PCDHGA5: variants seen among roughly 807,000 people sequenced by gnomAD.
PCDHGA5 encodes protocadherin gamma-A5.
A neutral mutation model predicts 56.7 loss-of-function variants in PCDHGA5; 36 were observed. The observed-to-expected ratio is 0.64, with a 90% CI of 0.49 to 0.84. PCDHGA5 has a LOEUF of 0.84. Among genes scored for constraint, PCDHGA5 ranks in the 40% least tolerant of loss-of-function variants. PCDHGA5 has a pLI of 0.00. For missense variants in PCDHGA5, 1,305 were observed against 1,201.5 expected, an observed-to-expected ratio of 1.09 and a Z score of -1.27; for synonymous variants, 563 against 520.2, an observed-to-expected ratio of 1.08 and a Z score of -1.12.
chr5:141,404,585 A>G (rs541341061), intron 1 of PCDHGA5: 2 of 1,614,006 alleles, frequency 1.2e-6, no homozygotes, highest in East Asian at 2.2e-5. Context: ...ACTTAGCAGC[A>G]ATGTGTCATT....
intron 1 of PCDHGA5, chr5:141,419,261 G>A (rs758952830): frequency 1.3e-5 from 21 of 1,613,864 alleles, no homozygotes; most frequent in Non-Finnish European, 1.7e-5. Context: ...CAACCAGCCG[G>A]GTGCCTCCAT....
chr5:141,399,605 A>G, intron 1 of PCDHGA5: 1 of 1,613,968 alleles, frequency 6.2e-7, no homozygotes, highest in Non-Finnish European at 8.5e-7. Context: ...AGCGACCTAG[A>G]GCCTCTGGCA....
Position 141,388,677 on chromosome 5 carries a change from A to G in PCDHGA5, c.2421+21926A>G, listed in dbSNP as rs369048942. 2.1e-5 allele frequency: 34 copies of G among 1,613,854 alleles called. 1 individual carries two copies. Among genetic ancestry groups the G allele is most frequent in the African/African-American group, 2.7e-5 (2 of 74,914 alleles). ...CCCGGGGACCACGGTGCTACAGGTGACTGCCACGGACCAGGATGAGGGTGT... is the reference window on the plus strand; with the variant it reads ...CCCGGGGACCACGGTGCTACAGGTGGCTGCCACGGACCAGGATGAGGGTGT... On this transcript the variant is annotated intron_variant, in intron 1 of 3. Transcript: ENST00000518069.
At chr5:141,385,709 A>G (rs2090329249) in intron 1 of PCDHGA5, 1 of 259,144 alleles carries the variant, frequency 3.9e-6, no homozygotes, top group Non-Finnish European at 6.2e-6. Context: ...TAGCATTCAA[A>G]TATGTAAAAG....
rs67622091 is a variant in PCDHGA5 at position 141,388,335 on chromosome 5, C to T, written c.2421+21584C>T. ...AAGTGAGTCTGCACAGCCTGGCACA[C>T]GATTTATATTAGGATCTGCCCATGA... On this transcript the variant is annotated intron_variant, in intron 1 of 3. Transcript: ENST00000518069. 13 of 1,613,842 alleles carry T rather than the reference C, an allele frequency of 8.1e-6. No homozygotes were observed. In the East Asian group the frequency reaches 1.8e-4, roughly 22 times the overall value.
In PCDHGA5 at chr5:141,366,839, A is replaced by G. The variant is rs372026898; in HGVS notation, c.2421+88A>G. The G allele has an allele frequency of 1.6e-5, 24 of 1,499,090 alleles. No homozygotes were observed. In the African/African-American group the frequency reaches 3.1e-4, roughly 19 times the overall value. 92.9% of individuals were successfully genotyped at this position (1,499,090 alleles called of 1,614,324 possible). A position where few individuals can be genotyped will look rare whatever the true frequency, so the allele number is the denominator to read the frequency against. On this transcript the variant is annotated intron_variant, in intron 1 of 3. Coordinates refer to ENST00000518069, the MANE Select transcript of PCDHGA5 (RefSeq NM_018918.3). ...CTGTCATATTCAGAATCAGCTAGTT[A>G]TGTAAATAGTGGAACATTATTTGCT...
Position 141,431,529 on chromosome 5 carries a change from T to G in PCDHGA5, c.2422-63278T>G, listed in dbSNP as rs145601545. The G allele has an allele frequency of 2.5e-6, 4 of 1,614,074 alleles. No homozygotes were observed. The highest frequency in any genetic ancestry group is 3.4e-6 in the Non-Finnish European group (4 of 1,180,030). ...GCGAGCGTTCCGGAGAATCTGGCCT[T>G]GGGCACGCAGCTGCTTGTAGTCAAC... On this transcript the variant is annotated intron_variant, in intron 1 of 3. Coordinates refer to ENST00000518069, the MANE Select transcript of PCDHGA5 (RefSeq NM_018918.3). The surrounding 1 kb of genome is among the most constrained non-coding windows in gnomAD (Gnocchi z 4.8).
chr5:141,419,423 C>A, intron 1 of PCDHGA5: 1 of 1,613,368 alleles, frequency 6.2e-7, no homozygotes, highest in Non-Finnish European at 8.5e-7. Context: ...CGCCTTCGAC[C>A]ACGAGCAGCT....
intron 1 of PCDHGA5, chr5:141,426,795 C>G (rs1214340018): frequency 2.2e-6 from 1 of 456,700 alleles, no homozygotes. Context: ...GAGTTACCAG[C>G]TCAGTTCTAA....
At chr5:141,446,822 A>G (rs976227044) in intron 1 of PCDHGA5, among the ~76,000 whole-genome samples, 1 of 152,206 alleles carries the variant, frequency 6.6e-6, no homozygotes, top group African/African-American at 2.4e-5. Flanking sequence ...TCAGATGGGT[A>G]GATCCTTATA....
intron 1 of PCDHGA5, chr5:141,374,693 G>A (rs1222347266): frequency 6.2e-7 from 1 of 1,609,316 alleles, no homozygotes; most frequent in Non-Finnish European, 8.5e-7. Flanking sequence ...GGACCGGGAA[G>A]GAGAAGCCGT....
rs1368226100 is a variant in PCDHGA5, at chr5:141,511,268, C to T, written c.*95C>T. The stretch of plus-strand genomic sequence containing the variant: ...CAGGCCTCAGAGTTTCAGGGCTAAC[C>T]CCCAGAATACTGGTAGGGGCCAAGG... On this transcript the variant is annotated 3_prime_UTR_variant, in exon 4 of 4. Coordinates refer to ENST00000518069, the MANE Select transcript of PCDHGA5 (RefSeq NM_018918.3). 1.9e-6 allele frequency: 3 copies of T among 1,546,408 alleles called. No individual in the cohort carries two copies. The highest frequency in any genetic ancestry group is 2.4e-5 in the East Asian group (1 of 41,246).
In PCDHGA5 at chr5:141,372,328, C is replaced by A. The variant is rs1170186099; in HGVS notation, c.2421+5577C>A. ...GCCGCCCGCCAGCGCCTGCTGGTCA[C>A]TGTGCGTGATGGAGGACAGCAGCCT... On this transcript the variant is annotated intron_variant, in intron 1 of 3. Coordinates refer to ENST00000518069, the MANE Select transcript of PCDHGA5 (RefSeq NM_018918.3). 4 of 1,613,626 alleles carry A rather than the reference C, an allele frequency of 2.5e-6. No homozygotes were observed. In the South Asian group the frequency reaches 4.4e-5, roughly 18 times the overall value.
At chr5:141,384,383 C>T in intron 1 of PCDHGA5, 1 of 1,613,946 alleles carries the variant, frequency 6.2e-7, no homozygotes. Flanking sequence ...GCCGAAGACA[C>T]CATCCAGGGG....
At chr5:141,430,084 A>G (rs538721051) in intron 1 of PCDHGA5, among the ~76,000 whole-genome samples, 2 of 152,292 alleles carry the variant, frequency 1.3e-5, no homozygotes, top group Admixed American at 1.3e-4. Context: ...AATATCATGA[A>G]AATTTGATTT....
chr5:141,439,960 T>G (rs1297261423), intron 1 of PCDHGA5: 1 of 152,668 alleles, frequency 6.6e-6, no homozygotes, highest in African/African-American at 2.4e-5. Flanking sequence ...AGATCCGTTA[T>G]TCAGTCCTAG....
At position 141,414,317 on chromosome 5, in the gene PCDHGA5, AG is replaced by A. The variant is rs757847465; in HGVS notation, c.2421+47567del. On this transcript the variant is annotated intron_variant, in intron 1 of 3. Transcript: ENST00000518069. The stretch of plus-strand genomic sequence containing the variant: ...TTAAATGTGCATGATTTAGACTCTG[AG>A]CAGAATGGACAGGTAACCTGTTCCA... The A allele has an allele frequency of 1.9e-6, 3 of 1,613,828 alleles. No individual in the cohort carries two copies. In the South Asian group the frequency reaches 3.3e-5, roughly 18 times the overall value.
chr5:141,414,903 C>A, intron 1 of PCDHGA5: 2 of 1,614,218 alleles, frequency 1.2e-6, no homozygotes, highest in Non-Finnish European at 1.7e-6. Flanking sequence ...CAGACGGTTC[C>A]ACAGGCGTGG....
Position 141,485,804 on chromosome 5 carries a change from G to A in PCDHGA5, c.2422-9003G>A. 6.2e-7 allele frequency: 1 copy of A among 1,614,218 alleles called. No individual in the cohort carries two copies. On this transcript the variant is annotated intron_variant, in intron 1 of 3. Coordinates refer to ENST00000518069, the MANE Select transcript of PCDHGA5 (RefSeq NM_018918.3). This position sits in a 1 kb window ranked among gnomAD's most constrained non-coding sequence, Gnocchi z 5.7. The stretch of plus-strand genomic sequence containing the variant: ...AGAGAAGCAATCGGACTACCGCCTG[G>A]TGCTGACTGCTGTCGATGGAGGGAA...
Sources: gnomAD v4.1 joint callset for allele counts (sites outside exome capture counted in the v4.1 genomes callset) on GRCh38, gnomAD v4.1.1 for gene constraint, Gnocchi (gnomAD v3.1) non-coding constraint, MANE v1.5 for transcripts, NCBI Gene and HGNC (gene_info 2026-07-23, HGNC 2026-07-21) for gene names.